The following SPTAN1 variants were observed in gnomAD, a reference collection of about 807,000 sequenced individuals.
The protein encoded by SPTAN1 is spectrin alpha chain, non-erythrocytic 1.
Under a neutral mutation model 331.3 loss-of-function variants are expected in SPTAN1, and 61 were observed. The ratio of observed to expected loss-of-function variants is 0.18; its 90% CI spans 0.15 to 0.23. SPTAN1 has a LOEUF of 0.23. Among genes scored for constraint, SPTAN1 ranks in the 10% least tolerant of loss-of-function variants. SPTAN1 has a pLI of 1.00. For synonymous variants in SPTAN1, 1,153 were observed against 1,173.9 expected, an observed-to-expected ratio of 0.98 and a Z score of 0.36; for missense variants, 2,043 against 3,147.9, an observed-to-expected ratio of 0.65 and a Z score of 8.40.
Position 128,627,446 on chromosome 9 carries a change from C to T in SPTAN1, c.6637C>T (p.Gln2213Ter). 6.4e-7 allele frequency: 1 copy of T among 1,551,126 alleles called. No individual in the cohort carries two copies. The highest frequency in any genetic ancestry group is 8.7e-7 in the Non-Finnish European group (1 of 1,147,044). ...RRQEENDKLR[Q>*]EFAQHANAFH... ...GCAGGAGGAGAACGACAAGCTGCGCCAGGAGTTTGCCCAGCACGCCAACGC... is the reference window on the plus strand; with the variant it reads ...GCAGGAGGAGAACGACAAGCTGCGCTAGGAGTTTGCCCAGCACGCCAACGC... The change falls in exon 50 of 57, where the codon CAG (glutamine) becomes TAG (stop). Residue 2213 changes from glutamine (Q) to a stop codon, truncating the protein, a stop_gained. Coordinates refer to ENST00000372739, the MANE Select transcript of SPTAN1 (RefSeq NM_001130438.3). LOFTEE classifies it high-confidence loss of function. This position sits in a 1 kb window ranked among gnomAD's most constrained non-coding sequence, Gnocchi z 4.9.
At chr9:128,562,996 A>G (rs1435315567) in intron 1 of SPTAN1, among the ~76,000 whole-genome samples, 9 of 1,926 alleles carry the variant, frequency 4.7e-3, no homozygotes, top group African/African-American at 5.6e-3. Context: ...GTATGTGTAT[A>G]TATATATATA....
intron 26 of SPTAN1, 98 bp downstream of exon 26, chr9:128,599,084 C>G (rs762368762): frequency 1.2e-5 from 14 of 1,195,922 alleles, no homozygotes; most frequent in South Asian, 4.8e-5. Flanking sequence ...AATTGCTGTT[C>G]CTGAACCTCA....
chr9:128,611,659 A>T (rs1165830599), intron 37 of SPTAN1, 55 bp from the exon 38 acceptor site: 11 of 1,607,392 alleles, frequency 6.8e-6, no homozygotes, highest in Non-Finnish European at 8.5e-6. Context: ...CTTCCCCCTG[A>T]AAAGACATAA....
intron 20 of SPTAN1, among the ~76,000 whole-genome samples, chr9:128,588,477 A>G (rs1218019020): frequency 3.3e-5 from 5 of 151,032 alleles, no homozygotes; most frequent in Non-Finnish European, 7.4e-5. Context: ...ACGCCTGTCT[A>G]GTTTTGTATT....
rs200321068 is a variant in SPTAN1, at chr9:128,606,499, G to GGA, written c.4046+1023_4046+1024insAG. 9.2e-3 allele frequency among the ~76,000 whole-genome samples: 1,341 copies of GGA among 145,484 alleles called. 22 individuals are homozygous for GGA. Among genetic ancestry groups the GGA allele is most frequent in the African/African-American group, 0.032 (1,257 of 39,234 alleles). On this transcript the variant is annotated intron_variant, in intron 31 of 56. Transcript: ENST00000372739. ...TATATATATATATATTTTTTTTTTG[G>GGA]GGGGGGAAGCGTTTCGCTTTTGTGC...
At chr9:128,570,312 AT>A (rs1850504935) in intron 3 of SPTAN1, among the ~76,000 whole-genome samples, 1 of 34,056 alleles carries the variant, frequency 2.9e-5, no homozygotes, top group Non-Finnish European at 5.4e-5. Flanking sequence ...GCTTATATAT[AT>A]ATATATATAT....
intron 40 of SPTAN1, among the ~76,000 whole-genome samples, chr9:128,614,539 G>A (rs184431265): frequency 2.0e-5 from 3 of 151,518 alleles, no homozygotes; most frequent in South Asian, 2.1e-4. Flanking sequence ...GCAGTGAGCC[G>A]AGATTGTGTA....
chr9:128,619,765 C>G (rs1236634661), intron 44 of SPTAN1, among the ~76,000 whole-genome samples: 2 of 152,256 alleles, frequency 1.3e-5, no homozygotes, highest in Non-Finnish European at 2.9e-5. Context: ...TTCAGCCCAT[C>G]ACATACTCCC....
chr9:128,599,000 G>C lies in SPTAN1; in HGVS notation c.3543+14G>C, dbSNP rs1005883973. ...ATGATGCCCAGGGTAAGTTTCGGGT[G>C]CTGTGTGTGGATCTTGAACATGAGA... On this transcript the variant is annotated intron_variant, in intron 26 of 56. Transcript: ENST00000372739. 1.2e-6 allele frequency: 2 copies of C among 1,613,300 alleles called. No homozygotes were observed. The highest frequency in any genetic ancestry group is 3.3e-5 in the Admixed American group (2 of 59,996).
At chr9:128,624,141 G>A (rs1457892101) in intron 45 of SPTAN1, among the ~76,000 whole-genome samples, 187 bp from the exon 46 acceptor site, 1 of 149,222 alleles carries the variant, frequency 6.7e-6, no homozygotes, top group African/African-American at 2.5e-5. Flanking sequence ...TTGTCAGTAC[G>A]TGTATTTGTG....
At chr9:128,609,051 G>A (rs1856268617) in intron 35 of SPTAN1, 71 bp from the exon 36 acceptor site, 3 of 1,613,932 alleles carry the variant, frequency 1.9e-6, no homozygotes, top group South Asian at 1.1e-5. Context: ...GCCCAGGCCT[G>A]TTCTGTCTCC....
intron 26 of SPTAN1, 30 bp from the exon 27 acceptor site, chr9:128,600,050 G>A (rs752349221): frequency 9.3e-6 from 15 of 1,613,868 alleles, no homozygotes; most frequent in Non-Finnish European, 8.5e-7. Context: ...TCAATTGCTT[G>A]GCTGCCTAAA....
chr9:128,572,171 T>A (rs1333326244), intron 3 of SPTAN1, among the ~76,000 whole-genome samples: 1 of 152,210 alleles, frequency 6.6e-6, no homozygotes, highest in East Asian at 1.9e-4. Context: ...GTGTGCTTTA[T>A]TTTTCCAACC....
chr9:128,604,382 C>T lies in SPTAN1; in HGVS notation c.3684C>T (p.Leu1228=). ...AGCTGGCCGAGGAACGGAGCCAGCTCTTGGGCAGCGCCCATGAAGTACAGA... is the reference window on the plus strand; with the variant it reads ...AGCTGGCCGAGGAACGGAGCCAGCTTTTGGGCAGCGCCCATGAAGTACAGA... ...LQQLAEERSQ[L]LGSAHEVQRF... is the part of the protein sequence containing the mutation. The change falls in exon 29 of 57, where the codon CTC becomes CTT. Residue 1228 remains leucine, a synonymous_variant. Coordinates refer to ENST00000372739, the MANE Select transcript of SPTAN1 (RefSeq NM_001130438.3). 1.2e-6 allele frequency: 2 copies of T among 1,613,958 alleles called. No individual in the cohort carries two copies. The highest frequency in any genetic ancestry group is 1.1e-5 in the South Asian group (1 of 91,030).
chr9:128,623,560 G>A (rs558993543), intron 45 of SPTAN1, among the ~76,000 whole-genome samples: 37 of 150,648 alleles, frequency 2.5e-4, no homozygotes, highest in African/African-American at 8.1e-4. Context: ...GGTTCAAGCA[G>A]TTCTCATCCC....
At chr9:128,630,460 C>A in intron 52 of SPTAN1, 85 bp downstream of exon 52, 2 of 1,384,106 alleles carry the variant, frequency 1.4e-6, no homozygotes, top group South Asian at 1.2e-5. Flanking sequence ...GGCTTAAAGT[C>A]AGGAACCAGA....
chr9:128,603,153 ACAGTCT>A (rs1855396374), intron 27 of SPTAN1, among the ~76,000 whole-genome samples: 1 of 152,028 alleles, frequency 6.6e-6, no homozygotes, highest in Non-Finnish European at 1.5e-5. Flanking sequence ...TGGCTGTTAA[ACAGTCT>A]CAGCTGCCAG....
rs1859006126 is a variant in SPTAN1, at chr9:128,627,850, C to T, written c.6690-75C>T. The T allele has an allele frequency of 1.3e-6, 2 of 1,553,526 alleles. No homozygotes were observed. The highest frequency in any genetic ancestry group is 3.3e-5 in the Admixed American group (2 of 59,948). ...TGTTTTCCTTTCTTTCTTGTGTCTTCTCTCTGTCCCCCCGATTGCTGCTGT... is the reference window on the plus strand; with the variant it reads ...TGTTTTCCTTTCTTTCTTGTGTCTTTTCTCTGTCCCCCCGATTGCTGCTGT... On this transcript the variant is annotated intron_variant, in intron 50 of 56. Transcript: ENST00000372739. This position sits in a 1 kb window ranked among gnomAD's most constrained non-coding sequence, Gnocchi z 4.9.
At position 128,625,302 on chromosome 9, in the gene SPTAN1, C is replaced by T. The variant is rs1858565593; in HGVS notation, c.6069+123C>T. 9.0e-6 allele frequency: 9 copies of T among 997,324 alleles called. No individual in the cohort carries two copies. Among genetic ancestry groups the T allele is most frequent in the Non-Finnish European group, 1.2e-5 (8 of 645,574 alleles). 61.8% of individuals were successfully genotyped at this position (997,324 alleles called of 1,614,324 possible). A position where few individuals can be genotyped will look rare whatever the true frequency, so the allele number is the denominator to read the frequency against. On this transcript the variant is annotated intron_variant, in intron 47 of 56. Transcript: ENST00000372739. This position sits in a 1 kb window ranked among gnomAD's most constrained non-coding sequence, Gnocchi z 4.1. ...CCTGGGGATCAGCAGGAAAAAGATC[C>T]TGTCCTGGTCCTCAGGGAGCTTCCA...
Sources: allele counts gnomAD v4.1 joint callset (sites outside exome capture counted in the v4.1 genomes callset), GRCh38; gene constraint gnomAD v4.1.1; non-coding constraint Gnocchi (gnomAD v3.1); transcripts MANE v1.5; gene names NCBI Gene and HGNC (gene_info 2026-07-23, HGNC 2026-07-21).